PELI2: variants seen among roughly 807,000 people sequenced by gnomAD.
PELI2 encodes the protein E3 ubiquitin-protein ligase pellino homolog 2.
PELI2 carries 23 observed loss-of-function variants against 42.3 expected under a neutral mutation model. The ratio of observed to expected loss-of-function variants is 0.54; its 90% CI spans 0.39 to 0.77. PELI2 has a LOEUF of 0.77. PELI2 is among the 30% of genes least tolerant of loss of function. PELI2 has a pLI of 0.00. For missense variants in PELI2, 463 were observed against 553.2 expected (o/e 0.84, Z 1.64); for synonymous variants, 245 against 212.2 (o/e 1.15, Z -1.34).
chr14:56,212,262 A>C (rs1365252453), intron 2 of PELI2, among the ~76,000 whole-genome samples: 1 of 152,226 alleles, frequency 6.6e-6, no homozygotes, highest in Non-Finnish European at 1.5e-5. Flanking sequence ...CTGGTTTTTC[A>C]CATTCTACCC....
At chr14:56,251,545 G>A (rs1273286099) in intron 2 of PELI2, among the ~76,000 whole-genome samples, 2 of 152,152 alleles carry the variant, frequency 1.3e-5, no homozygotes, top group Non-Finnish European at 2.9e-5. Context: ...TGATTGTTGT[G>A]ATGCAGGGAG....
At chr14:56,295,148 G>A (rs1889957732) in intron 5 of PELI2, among the ~76,000 whole-genome samples, 1 of 151,926 alleles carries the variant, frequency 6.6e-6, no homozygotes, top group South Asian at 2.1e-4. Flanking sequence ...TCTTTGTTGA[G>A]GTGTACTCAC....
chr14:56,169,479 G>C (rs564417585), intron 1 of PELI2, among the ~76,000 whole-genome samples: 3 of 152,174 alleles, frequency 2.0e-5, no homozygotes, highest in Admixed American at 2.0e-4. Flanking sequence ...ACAGCACTTA[G>C]TTCAATGCCT....
rs189790506 is a variant in PELI2 at position 56,155,933 on chromosome 14, C to T, written c.78-22402C>T. 5.3e-5 allele frequency among the ~76,000 whole-genome samples: 8 copies of T among 152,118 alleles called. No individual in the cohort carries two copies. In the South Asian group the frequency reaches 1.2e-3, roughly 24 times the overall value. On this transcript the variant is annotated intron_variant, in intron 1 of 5. Transcript: ENST00000267460. The stretch of plus-strand genomic sequence containing the variant: ...TTGTAGCAACAGTGTTAGTTTTCTG[C>T]CTTCTTTTTCAGCAATTAGTACCCC...
intron 1 of PELI2, among the ~76,000 whole-genome samples, chr14:56,140,342 A>T (rs568804627): frequency 6.6e-5 from 10 of 152,342 alleles, no homozygotes; most frequent in Non-Finnish European, 1.2e-4. Flanking sequence ...TGGTCACTTT[A>T]AATGAAAGCC....
intron 2 of PELI2, among the ~76,000 whole-genome samples, chr14:56,276,696 C>T (rs1889302714): frequency 6.6e-6 from 1 of 152,182 alleles, no homozygotes; most frequent in South Asian, 2.1e-4. Context: ...TTCATACCTT[C>T]CCCAAATTCC....
At chr14:56,234,447 T>G (rs1457138534) in intron 2 of PELI2, among the ~76,000 whole-genome samples, 1 of 152,182 alleles carries the variant, frequency 6.6e-6, no homozygotes, top group African/African-American at 2.4e-5. Flanking sequence ...TCATGTCCTT[T>G]GTAGGGACAT....
chr14:56,188,836 C>T (rs1444272562), intron 2 of PELI2, among the ~76,000 whole-genome samples: 1 of 152,094 alleles, frequency 6.6e-6, no homozygotes, highest in Non-Finnish European at 1.5e-5. Context: ...GCAAAAGATG[C>T]CTTTTTGTGG....
intron 1 of PELI2, among the ~76,000 whole-genome samples, chr14:56,142,409 A>G (rs559811317): frequency 1.8e-4 from 27 of 152,272 alleles, no homozygotes; most frequent in African/African-American, 5.5e-4. Context: ...GGAATTTAAT[A>G]CTTAGAAGTG....
At chr14:56,231,927 A>G (rs1887589246) in intron 2 of PELI2, among the ~76,000 whole-genome samples, 1 of 152,290 alleles carries the variant, frequency 6.6e-6, no homozygotes, top group South Asian at 2.1e-4. Context: ...TAAAGGGGAT[A>G]TCACCACCGA....
At position 56,297,148 on chromosome 14, in the gene PELI2, C is replaced by T. The variant is rs771464544; in HGVS notation, c.1245C>T (p.Phe415=). 1.3e-6 allele frequency: 2 copies of T among 1,599,974 alleles called. No individual in the cohort carries two copies. The highest frequency in any genetic ancestry group is 1.1e-5 in the South Asian group (1 of 90,994). The change falls in exon 6 of 6, where the codon TTC becomes TTT. Residue 415 remains phenylalanine, a synonymous_variant. Transcript: ENST00000267460. The part of the protein sequence containing the change: ...VGEQNCIKLI[F]QGPID Reference sequence around the variant, plus strand: ...AGCAAAACTGCATCAAATTAATTTTCCAAGGTCCAATTGACTGACGCCCTT... The same window carrying T: ...AGCAAAACTGCATCAAATTAATTTTTCAAGGTCCAATTGACTGACGCCCTT...
In PELI2 at chr14:56,197,469, C is replaced by T. The variant is rs1034024776; in HGVS notation, c.207+19005C>T. 2.4e-4 allele frequency among the ~76,000 whole-genome samples: 36 copies of T among 152,078 alleles called. 1 individual carries two copies. ...GCTTTAATCTGGTTGCAATAGGAAG[C>T]TGTTGGGTGTTTGGGGAGACATTTA... On this transcript the variant is annotated intron_variant, in intron 2 of 5. Transcript: ENST00000267460. This position sits in a 1 kb window ranked among gnomAD's most constrained non-coding sequence, Gnocchi z 4.9.
At chr14:56,161,084 G>A (rs1566612856) in intron 1 of PELI2, among the ~76,000 whole-genome samples, 3 of 152,276 alleles carry the variant, frequency 2.0e-5, no homozygotes, top group Non-Finnish European at 2.9e-5. Context: ...ATGAACTTAC[G>A]TTGTCACACA....
rs574141577 is a variant in PELI2 at position 56,118,508 on chromosome 14, G to A, written c.-153G>A. The stretch of plus-strand genomic sequence containing the variant: ...CGCAGCCACGACGGAGCAGCAGCGG[G>A]ACTGGCCGCCCCGCGCCCCCTTCGC... On this transcript the variant is annotated 5_prime_UTR_variant, in exon 1 of 6. Coordinates refer to ENST00000267460, the MANE Select transcript of PELI2 (RefSeq NM_021255.3). The A allele has an allele frequency of 2.5e-6, 1 of 398,176 alleles. No individual in the cohort carries two copies. Among genetic ancestry groups the A allele is most frequent in the African/African-American group, 2.1e-5 (1 of 47,450 alleles). 24.7% of individuals were successfully genotyped at this position (398,176 alleles called of 1,614,324 possible).
chr14:56,238,570 A>G (rs970120855), intron 2 of PELI2, among the ~76,000 whole-genome samples: 7 of 152,076 alleles, frequency 4.6e-5, no homozygotes, highest in Admixed American at 2.6e-4. Context: ...CCGTGCTCTT[A>G]AGTAACTTTT....
chr14:56,180,469 A>G lies in PELI2; in HGVS notation c.207+2005A>G, dbSNP rs974110505. Among the ~76,000 whole-genome samples, 4 of 152,182 alleles carry G rather than the reference A, an allele frequency of 2.6e-5. No individual in the cohort carries two copies. The highest frequency in any genetic ancestry group is 5.9e-5 in the Non-Finnish European group (4 of 68,026). Reference sequence around the variant, plus strand: ...ACATGGATATTTTTTCAAGAGTGTTAGATAGTGACTTTCCTCCAACCAACT... The same window carrying G: ...ACATGGATATTTTTTCAAGAGTGTTGGATAGTGACTTTCCTCCAACCAACT... On this transcript the variant is annotated intron_variant, in intron 2 of 5. Transcript: ENST00000267460. This position sits in a 1 kb window ranked among gnomAD's most constrained non-coding sequence, Gnocchi z 4.4.
chr14:56,150,942 T>G (rs1884327531), intron 1 of PELI2, among the ~76,000 whole-genome samples: 1 of 152,186 alleles, frequency 6.6e-6, no homozygotes, highest in African/African-American at 2.4e-5. Context: ...AAATCTGAAG[T>G]AACTTTATGG....
At chr14:56,252,852 T>G (rs1018093724) in intron 2 of PELI2, among the ~76,000 whole-genome samples, 4 of 152,148 alleles carry the variant, frequency 2.6e-5, no homozygotes, top group African/African-American at 9.7e-5. Context: ...CCTCAACTCA[T>G]TCTATGAGGC....
chr14:56,123,271 T>C (rs1194318014), intron 1 of PELI2, among the ~76,000 whole-genome samples: 1 of 152,146 alleles, frequency 6.6e-6, no homozygotes, highest in Non-Finnish European at 1.5e-5. Flanking sequence ...CACCCTTTGG[T>C]GGCAATAAGA....
Sources: allele counts gnomAD v4.1 joint callset (sites outside exome capture counted in the v4.1 genomes callset), GRCh38; gene constraint gnomAD v4.1.1; non-coding constraint Gnocchi (gnomAD v3.1); transcripts MANE v1.5; gene names NCBI Gene and HGNC (gene_info 2026-07-23, HGNC 2026-07-21).